The following MEIS2 variants were observed in gnomAD, a reference collection of about 807,000 sequenced individuals.
MEIS2 encodes Meis homeobox 2.
Under a neutral mutation model 58.6 loss-of-function variants are expected in MEIS2, and 9 were observed. The ratio of observed to expected loss-of-function variants is 0.15; its 90% CI spans 0.09 to 0.27. The LOEUF is 0.27. Ranked by LOEUF, MEIS2 falls within the 10% of genes least tolerant of loss-of-function variation. MEIS2 has a pLI of 1.00. For missense variants in MEIS2, 427 were observed against 635.0 expected (o/e 0.67, Z 3.52); for synonymous variants, 221 against 228.4 (o/e 0.97, Z 0.29).
At chr15:36,974,909 A>G (rs111947696) in intron 8 of MEIS2, among the ~76,000 whole-genome samples, 10 of 152,162 alleles carry the variant, frequency 6.6e-5, no homozygotes, top group African/African-American at 2.4e-4. Flanking sequence ...TCCTGCTAAC[A>G]CGTGCCCAAG....
intron 7 of MEIS2, among the ~76,000 whole-genome samples, chr15:37,040,729 G>T (rs2062387198): frequency 6.6e-6 from 1 of 152,172 alleles, no homozygotes; most frequent in South Asian, 2.1e-4. Flanking sequence ...GAAACATATT[G>T]TGTGTGACCA....
At chr15:37,073,567 A>C (rs1193386324) in intron 7 of MEIS2, among the ~76,000 whole-genome samples, 1 of 151,464 alleles carries the variant, frequency 6.6e-6, no homozygotes, top group Admixed American at 6.6e-5. Flanking sequence ...GAGCTCCCTG[A>C]CTCCAGAGAG....
chr15:37,009,348 A>G (rs1357487241), intron 8 of MEIS2, among the ~76,000 whole-genome samples: 1 of 152,166 alleles, frequency 6.6e-6, no homozygotes, highest in Non-Finnish European at 1.5e-5. Context: ...CCCAATATAA[A>G]TTTGGTCTCA....
In MEIS2 at chr15:37,096,362, T is replaced by C; in HGVS notation, c.314A>G (p.Glu105Gly). The C allele has an allele frequency of 1.2e-6, 2 of 1,613,802 alleles. No homozygotes were observed. The highest frequency in any genetic ancestry group is 1.7e-6 in the Non-Finnish European group (2 of 1,179,904). The change falls in exon 3 of 12, where the codon GAA (glutamate) becomes GGA (glycine). Residue 105 changes from glutamate to glycine, a missense_variant. Coordinates refer to ENST00000561208, the MANE Select transcript of MEIS2 (RefSeq NM_170675.5). ...GACGTCTCCGCCAGCCACTCCAGGTTCCCGGGGAGTGCAGGTCGCCAGCTC... is the reference window on the plus strand; with the variant it reads ...GACGTCTCCGCCAGCCACTCCAGGTCCCCGGGGAGTGCAGGTCGCCAGCTC... ...KCELATCTPR[E>G]PGVAGGDVCS...
chr15:36,967,351 T>A, intron 8 of MEIS2, among the ~76,000 whole-genome samples: 1 of 152,172 alleles, frequency 6.6e-6, no homozygotes, highest in East Asian at 1.9e-4. Flanking sequence ...CAAAAAAGAA[T>A]CTTCAGCTGG....
chr15:36,937,482 C>A (rs893629530), intron 9 of MEIS2, among the ~76,000 whole-genome samples: 5 of 152,214 alleles, frequency 3.3e-5, no homozygotes, highest in Admixed American at 6.5e-5. Flanking sequence ...GGATAAGGCA[C>A]TGTGCACAGT....
In MEIS2 at chr15:37,013,905, A is replaced by T. The variant is rs139214622; in HGVS notation, c.900+22909T>A. Among the ~76,000 whole-genome samples, 170 of 152,294 alleles carry T rather than the reference A, an allele frequency of 1.1e-3. 1 individual carries two copies. The highest frequency in any genetic ancestry group is 3.8e-3 in the African/African-American group (160 of 41,568). On this transcript the variant is annotated intron_variant, in intron 8 of 11. Transcript: ENST00000561208. The stretch of plus-strand genomic sequence containing the variant: ...GGCCACCTTACAGTATACTTGTGAC[A>T]GTAGAGACAACATTTCTGTAACTTC...
chr15:36,991,255 CTT>C (rs10713560), intron 8 of MEIS2, among the ~76,000 whole-genome samples: 3,539 of 146,678 alleles, frequency 0.024, 134 homozygotes, highest in African/African-American at 0.083. Context: ...ATTTTTCTCT[CTT>C]TTTTTTTTTT....
At position 37,075,911 on chromosome 15, in the gene MEIS2, G is replaced by T. The variant is rs186967651; in HGVS notation, c.754+7860C>A. On this transcript the variant is annotated intron_variant, in intron 7 of 11. Coordinates refer to ENST00000561208, the MANE Select transcript of MEIS2 (RefSeq NM_170675.5). ...GGTCTCTTTCATTATTTTTTTTTTC[G>T]AGACCTTGTGTTCCAGCAAGCTGAG... is the stretch of plus-strand genomic sequence containing the variant. Among the ~76,000 whole-genome samples, 81 of 151,126 alleles carry T rather than the reference G, an allele frequency of 5.4e-4. 2 individuals carry two copies. The South Asian group carries it at 0.011, about 21-fold the overall frequency.
chr15:36,999,080 G>A (rs928592842), intron 8 of MEIS2, among the ~76,000 whole-genome samples: 11 of 152,114 alleles, frequency 7.2e-5, no homozygotes, highest in Non-Finnish European at 1.0e-4. Context: ...AAATAATTGC[G>A]TATAACTGGC....
rs755478168 is a variant in MEIS2 at position 37,096,447 on chromosome 15, C to G, written c.246-17G>C. 3.0e-5 allele frequency: 48 copies of G among 1,610,442 alleles called. No individual in the cohort carries two copies. Among genetic ancestry groups the G allele is most frequent in the African/African-American group, 5.3e-5 (4 of 74,834 alleles). On this transcript the variant is annotated splice_polypyrimidine_tract_variant and intron_variant, in intron 2 of 11. Transcript: ENST00000561208. ...AACGGGTGCCTAACGGGCAGCGCCA[C>G]GCAGAGACACACACACAGAGACGGG... is the stretch of plus-strand genomic sequence containing the variant.
At chr15:37,007,899 TCTAGAAAACAA>T in intron 8 of MEIS2, among the ~76,000 whole-genome samples, 1 of 152,328 alleles carries the variant, frequency 6.6e-6, no homozygotes, top group East Asian at 1.9e-4. Flanking sequence ...TCTGCAGACC[TCTAGAAAACAA>T]CTTTTCAATA....
chr15:37,025,310 A>G (rs73393560), intron 8 of MEIS2, among the ~76,000 whole-genome samples: 4,332 of 152,330 alleles, frequency 0.028, 233 homozygotes, highest in African/African-American at 0.1. Context: ...GAAAACGAGC[A>G]CTCAGATAAA....
intron 8 of MEIS2, among the ~76,000 whole-genome samples, chr15:36,991,256 T>C (rs375133980): frequency 2.1e-4 from 1 of 4,834 alleles, no homozygotes; most frequent in African/African-American, 6.1e-4. Flanking sequence ...TTTTTCTCTC[T>C]TTTTTTTTTT....
At chr15:36,962,370 A>C (rs2141433205) in intron 8 of MEIS2, among the ~76,000 whole-genome samples, 1 of 152,302 alleles carries the variant, frequency 6.6e-6, no homozygotes, top group Non-Finnish European at 1.5e-5. Context: ...ACTCCCTCAG[A>C]CACCAAAATC....
intron 9 of MEIS2, among the ~76,000 whole-genome samples, chr15:36,902,266 G>T (rs1201027059): frequency 6.6e-6 from 1 of 152,200 alleles, no homozygotes; most frequent in African/African-American, 2.4e-5. Flanking sequence ...AATCTATGCT[G>T]GATTGGCCAC....
At chr15:36,947,674 A>G (rs2058617146) in intron 9 of MEIS2, among the ~76,000 whole-genome samples, 1 of 151,908 alleles carries the variant, frequency 6.6e-6, no homozygotes, top group African/African-American at 2.4e-5. Context: ...TCCTGGTCTC[A>G]ATCGGAGAAG....
chr15:37,091,667 TG>T (rs1893539141), intron 6 of MEIS2, among the ~76,000 whole-genome samples: 1 of 152,204 alleles, frequency 6.6e-6, no homozygotes, highest in Admixed American at 6.5e-5. Context: ...TCTCATAAAT[TG>T]ATATTGTCTA....
intron 8 of MEIS2, among the ~76,000 whole-genome samples, chr15:36,956,088 C>A (rs1304250502): frequency 7.3e-6 from 1 of 137,330 alleles, no homozygotes; most frequent in Non-Finnish European, 1.5e-5. Context: ...TCCAGCTACT[C>A]GGGAGGCTGA....
Sources: gnomAD v4.1 joint callset for allele counts (sites outside exome capture counted in the v4.1 genomes callset) on GRCh38, gnomAD v4.1.1 for gene constraint, MANE v1.5 for transcripts, NCBI Gene and HGNC (gene_info 2026-07-23, HGNC 2026-07-21) for gene names.